The following SNCAIP variants were observed in gnomAD, a reference collection of about 807,000 sequenced individuals.
SNCAIP encodes the protein synphilin-1.
Under a neutral mutation model 86.7 loss-of-function variants are expected in SNCAIP, and 43 were observed. The observed-to-expected ratio is 0.50, with a 90% CI of 0.39 to 0.64. The LOEUF (loss-of-function observed/expected upper bound fraction) is 0.64. Ranked by LOEUF, SNCAIP falls within the 30% of genes least tolerant of loss-of-function variation. The pLI, the probability that SNCAIP is intolerant of heterozygous loss-of-function variation, is 0.00. For synonymous variants in SNCAIP, 417 were observed against 427.2 expected (o/e 0.98, Z 0.29); for missense variants, 981 against 1,103.1 (o/e 0.89, Z 1.57).
In SNCAIP at chr5:122,425,526, A is replaced by G. The variant is rs778867427; in HGVS notation, c.1177A>G (p.Ile393Val). The G allele has an allele frequency of 6.8e-6, 11 of 1,613,892 alleles. No homozygotes were observed. Among genetic ancestry groups the G allele is most frequent in the Admixed American group, 1.7e-5 (1 of 60,030 alleles). Residue 393 changes from isoleucine (I) to valine (V), a missense_variant, in exon 5 of 11, where the codon ATT (isoleucine) becomes GTT (valine). Coordinates refer to ENST00000261368, the MANE Select transcript of SNCAIP (RefSeq NM_005460.4). ...GAAGTTGACTCCAGCAGGCCTGGCC[A>G]TTAAGGTGACTGGTTGGGGGCTGGA... ...TEKLTPAGLA[I>V]KNGQLECVRW...
rs1412111756 is a variant in SNCAIP, at chr5:122,448,652, T to TTATATATATTATATATATTATATATGTTA, written c.1593-1168_1593-1140dup. ...TATATATTATATGTTATATATATTT[T>TTATATATATTATATATATTATATATGTTA]TATATATATTATATATATTATATAT... is the stretch of plus-strand genomic sequence containing the variant. On this transcript the variant is annotated intron_variant, in intron 8 of 10. Coordinates refer to ENST00000261368, the MANE Select transcript of SNCAIP (RefSeq NM_005460.4). 1.4e-4 allele frequency among the ~76,000 whole-genome samples: 18 copies of TTATATATATTATATATATTATATATGTTA among 127,000 alleles called. No individual in the cohort carries two copies. The South Asian group carries it at 2.0e-3, about 14-fold the overall frequency. 83.3% of individuals were successfully genotyped at this position (127,000 alleles called of 152,430 possible).
intron 1 of SNCAIP, among the ~76,000 whole-genome samples, chr5:122,344,741 A>G (rs1256823472): frequency 6.6e-6 from 1 of 152,342 alleles, no homozygotes; most frequent in African/African-American, 2.4e-5. Context: ...AATTTCAAGT[A>G]AGTAACAATT....
chr5:122,450,444 A>T, intron 9 of SNCAIP, 89 bp from the exon 10 acceptor site: 3 of 883,332 alleles, frequency 3.4e-6, no homozygotes, highest in Non-Finnish European at 5.8e-6. Flanking sequence ...TTACTTATAC[A>T]TTATTAGTGT....
chr5:122,443,488 T>A, intron 7 of SNCAIP: 1 of 369,796 alleles, frequency 2.7e-6, no homozygotes, highest in Non-Finnish European at 5.5e-6. Context: ...CTTTCTCCTT[T>A]CTTATGACTA....
chr5:122,347,640 G>A (rs1303745543), intron 1 of SNCAIP, among the ~76,000 whole-genome samples: 1 of 151,828 alleles, frequency 6.6e-6, no homozygotes, highest in Non-Finnish European at 1.5e-5. Context: ...ATCTTACTTT[G>A]TCTCCGTTCT....
At chr5:122,428,530 A>T (rs1459505873) in intron 5 of SNCAIP, among the ~76,000 whole-genome samples, 1 of 152,026 alleles carries the variant, frequency 6.6e-6, no homozygotes, top group Non-Finnish European at 1.5e-5. Context: ...ATTCTCCAGG[A>T]TAGACCAAAT....
At chr5:122,369,222 G>T (rs1350583700) in intron 1 of SNCAIP, among the ~76,000 whole-genome samples, 3 of 152,184 alleles carry the variant, frequency 2.0e-5, no homozygotes, top group African/African-American at 4.8e-5. Context: ...CTCTCAGCCT[G>T]TGAAGTTTGT....
chr5:122,326,938 C>CTATGTATG (rs36064900), intron 1 of SNCAIP, among the ~76,000 whole-genome samples: 3,518 of 146,874 alleles, frequency 0.024, 61 homozygotes, highest in African/African-American at 0.047. Context: ...ACTTTCTCAA[C>CTATGTATG]TATGTATGTA....
chr5:122,387,583 G>C (rs951198520), intron 1 of SNCAIP, among the ~76,000 whole-genome samples: 10 of 152,200 alleles, frequency 6.6e-5, no homozygotes, highest in African/African-American at 2.2e-4. Flanking sequence ...GTTTGGGCCA[G>C]ACAGAGGATG....
chr5:122,336,252 A>G (rs1176686379), intron 1 of SNCAIP, among the ~76,000 whole-genome samples: 1 of 152,198 alleles, frequency 6.6e-6, no homozygotes, highest in Non-Finnish European at 1.5e-5. Context: ...TATGTACTGT[A>G]TTACGACCAT....
chr5:122,451,081 G>A lies in SNCAIP; in HGVS notation c.2234G>A (p.Gly745Asp). ...FSIKASKSLD[G>D]HSPSPTSESS... ...ATCAAGGCCTCCAAATCCCTGGATG[G>A]CCACAGCCCATCTCCCACCTCAGAG... Residue 745 changes from glycine to aspartate, a missense_variant, in exon 10 of 11, where the codon GGC becomes GAC. Transcript: ENST00000261368. 6.2e-7 allele frequency: 1 copy of A among 1,614,142 alleles called. No individual in the cohort carries two copies. Among genetic ancestry groups the A allele is most frequent in the Non-Finnish European group, 8.5e-7 (1 of 1,180,024 alleles).
chr5:122,412,801 C>G (rs560923231), intron 3 of SNCAIP, among the ~76,000 whole-genome samples: 1 of 152,222 alleles, frequency 6.6e-6, no homozygotes, highest in African/African-American at 2.4e-5. Flanking sequence ...TCCTCAGACT[C>G]TCTCCTCAGT....
rs1005343029 is a variant in SNCAIP at position 122,416,872 on chromosome 5, C to A, written c.131-5996C>A. Among the ~76,000 whole-genome samples, 3 of 152,246 alleles carry A rather than the reference C, an allele frequency of 2.0e-5. No individual in the cohort carries two copies. The Middle Eastern group carries it at 0.01, about 518-fold the overall frequency. On this transcript the variant is annotated intron_variant, in intron 3 of 10. Coordinates refer to ENST00000261368, the MANE Select transcript of SNCAIP (RefSeq NM_005460.4). ...CTTCAAAAGTATGTCCTTGAAGGCG[C>A]CTAGGTTTCCAGTAGCTATGGATGT...
At chr5:122,391,217 G>A in intron 2 of SNCAIP, 26 bp downstream of exon 2, 4 of 1,522,390 alleles carry the variant, frequency 2.6e-6, no homozygotes, top group Non-Finnish European at 3.6e-6. Flanking sequence ...TACAAGAAAT[G>A]CTTTCAAGAT....
intron 10 of SNCAIP, among the ~76,000 whole-genome samples, chr5:122,461,019 A>G (rs1285956054): frequency 6.6e-6 from 1 of 151,994 alleles, no homozygotes; most frequent in African/African-American, 2.4e-5. Flanking sequence ...GTTTATTCTC[A>G]TGCTTCAGTC....
chr5:122,387,664 T>C (rs1303626076), intron 1 of SNCAIP, among the ~76,000 whole-genome samples: 1 of 152,112 alleles, frequency 6.6e-6, no homozygotes, highest in African/African-American at 2.4e-5. Flanking sequence ...AGCAGTGAAG[T>C]GTCACCATGT....
intron 1 of SNCAIP, chr5:122,371,285 T>TA (rs1446182787): frequency 6.7e-6 from 1 of 148,526 alleles, no homozygotes; most frequent in Non-Finnish European, 1.5e-5. Flanking sequence ...CCAACCTAGG[T>TA]AACAGAGCAA....
chr5:122,353,439 C>CAA (rs60366701), intron 1 of SNCAIP, among the ~76,000 whole-genome samples: 18,087 of 93,858 alleles, frequency 0.19, 1,230 homozygotes, highest in African/African-American at 0.23. Context: ...CATAATTAAG[C>CAA]AAAAAAAAAA....
chr5:122,417,965 G>A (rs1199958863), intron 3 of SNCAIP, among the ~76,000 whole-genome samples: 1 of 152,186 alleles, frequency 6.6e-6, no homozygotes, highest in African/African-American at 2.4e-5. Context: ...TATTATCAGG[G>A]CACTGGGAAG....
Sources: allele counts gnomAD v4.1 joint callset (sites outside exome capture counted in the v4.1 genomes callset), GRCh38; gene constraint gnomAD v4.1.1; transcripts MANE v1.5; gene names NCBI Gene and HGNC (gene_info 2026-07-23, HGNC 2026-07-21).